Variants in GRIK1 observed in about 807,000 individuals in gnomAD.
GRIK1 encodes the protein glutamate ionotropic receptor kainate type subunit 1.
GRIK1 carries 69 observed loss-of-function variants against 105.7 expected under a neutral mutation model. That is an observed-to-expected ratio of 0.65 (90% confidence interval 0.54 to 0.80). The LOEUF (loss-of-function observed/expected upper bound fraction) is 0.80, where lower values mean the gene tolerates loss of function less well. GRIK1 is among the 30% of genes least tolerant of loss of function. The probability of loss-of-function intolerance (pLI) is 0.00; values close to 1 mark genes in which losing one functional copy is unlikely to be tolerated. For synonymous variants in GRIK1, 438 were observed against 431.3 expected (o/e 1.02, Z -0.19); for missense variants, 1,109 against 1,167.3 (o/e 0.95, Z 0.73).
chr21:29,791,030 G>T (rs1168273663), intron 1 of GRIK1, among the ~76,000 whole-genome samples: 1 of 152,202 alleles, frequency 6.6e-6, no homozygotes, highest in Non-Finnish European at 1.5e-5. Context: ...CTGATGCTGA[G>T]AAGTGGTTGG....
chr21:29,625,141 C>T (rs2062095447), intron 7 of GRIK1, among the ~76,000 whole-genome samples: 1 of 152,124 alleles, frequency 6.6e-6, no homozygotes, highest in South Asian at 2.1e-4. Flanking sequence ...GTGAATAATG[C>T]AATATAAAGC....
At chr21:29,759,877 T>G (rs1307475476) in intron 1 of GRIK1, 1 of 152,200 alleles carries the variant, frequency 6.6e-6, no homozygotes, top group African/African-American at 2.4e-5. Context: ...AATAAGGACA[T>G]TTTCTCTACA....
chr21:29,841,246 A>G (rs932334401), intron 1 of GRIK1, among the ~76,000 whole-genome samples: 2 of 152,184 alleles, frequency 1.3e-5, no homozygotes, highest in Non-Finnish European at 2.9e-5. Context: ...TATTGAATTC[A>G]GCAAAAATAA....
rs374424151 is a variant in GRIK1 at position 29,737,667 on chromosome 21, G to A, written c.119-43604C>T. 3.3e-5 allele frequency among the ~76,000 whole-genome samples: 5 copies of A among 152,280 alleles called. No individual in the cohort carries two copies. In the East Asian group the frequency reaches 5.8e-4, roughly 18 times the overall value. Reference sequence around the variant, plus strand: ...CTAACACATTAAAGAAGGCTTTGCCGGCCCATCTGGGGCAACCCAAGCCTT... The same window carrying A: ...CTAACACATTAAAGAAGGCTTTGCCAGCCCATCTGGGGCAACCCAAGCCTT... On this transcript the variant is annotated intron_variant, in intron 1 of 17. Transcript: ENST00000327783.
At chr21:29,679,693 C>T (rs1202173358) in intron 3 of GRIK1, among the ~76,000 whole-genome samples, 1 of 152,144 alleles carries the variant, frequency 6.6e-6, no homozygotes, top group Admixed American at 6.6e-5. Context: ...AAAGATCAAT[C>T]TTTTATTTCT....
rs80176615 is a variant in GRIK1, at chr21:29,690,318, G to A, written c.287-333C>T. The stretch of plus-strand genomic sequence containing the variant: ...ATGGTGTTACCTGAAAGCACTCCTA[G>A]TTACCAACAAGCCCTTTGCCAAATG... On this transcript the variant is annotated intron_variant, in intron 2 of 17. Transcript: ENST00000327783. Among the ~76,000 whole-genome samples the A allele has an allele frequency of 5.9e-5, 9 of 152,284 alleles. No individual in the cohort carries two copies. The East Asian group carries it at 1.4e-3, about 23-fold the overall frequency.
At chr21:29,683,856 C>T (rs1324556353) in intron 3 of GRIK1, among the ~76,000 whole-genome samples, 1 of 152,222 alleles carries the variant, frequency 6.6e-6, no homozygotes, top group African/African-American at 2.4e-5. Flanking sequence ...GGGTTCAGCA[C>T]AGTGCTACCA....
intron 1 of GRIK1, among the ~76,000 whole-genome samples, chr21:29,721,419 A>G (rs1024862329): frequency 1.3e-5 from 2 of 152,170 alleles, no homozygotes; most frequent in African/African-American, 4.8e-5. Context: ...AAAAGTTCAC[A>G]GCAGGTTACA....
At chr21:29,848,779 A>ATATATATATATATATGTATATTTT in intron 1 of GRIK1, among the ~76,000 whole-genome samples, 4 of 77,882 alleles carry the variant, frequency 5.1e-5, no homozygotes, top group African/African-American at 2.3e-4. Flanking sequence ...ATATATATAT[A>ATATATATATATATATGTATATTTT]TTTTTTTTTT....
At chr21:29,648,049 T>C (rs2062654302) in intron 6 of GRIK1, among the ~76,000 whole-genome samples, 1 of 152,214 alleles carries the variant, frequency 6.6e-6, no homozygotes, top group African/African-American at 2.4e-5. Flanking sequence ...TTTGATATAA[T>C]CATATTTTTG....
At chr21:29,655,043 C>A (rs1412099806) in intron 4 of GRIK1, among the ~76,000 whole-genome samples, 180 bp from the exon 5 acceptor site, 1 of 152,232 alleles carries the variant, frequency 6.6e-6, no homozygotes, top group Non-Finnish European at 1.5e-5. Context: ...AGCCAACTGA[C>A]CTCCAGCCAA....
rs180711426 is a variant in GRIK1, at chr21:29,604,504, A to G, written c.1099-5567T>C. Among the ~76,000 whole-genome samples, 427 of 152,306 alleles carry G rather than the reference A, an allele frequency of 2.8e-3. 3 individuals are homozygous for G. Among genetic ancestry groups the G allele is most frequent in the African/African-American group, 9.6e-3 (399 of 41,554 alleles). On this transcript the variant is annotated intron_variant, in intron 7 of 17. Coordinates refer to ENST00000327783, the MANE Select transcript of GRIK1 (RefSeq NM_001330994.2). ...TATTGATTAGGGTGAATATGCAATG[A>G]CTAATTCCTGGATGTGATAAATAGG...
chr21:29,765,509 A>G (rs191707683), intron 1 of GRIK1, among the ~76,000 whole-genome samples: 54 of 152,162 alleles, frequency 3.5e-4, no homozygotes, highest in African/African-American at 1.3e-3. Context: ...GTCTTCTGTC[A>G]TTCAACTGCA....
At chr21:29,720,811 G>A (rs929585758) in intron 1 of GRIK1, among the ~76,000 whole-genome samples, 2 of 152,090 alleles carry the variant, frequency 1.3e-5, no homozygotes, top group Non-Finnish European at 2.9e-5. Context: ...ATGAAGCTAT[G>A]CACCTTTATT....
At chr21:29,744,193 A>G (rs1003252749) in intron 1 of GRIK1, among the ~76,000 whole-genome samples, 3 of 152,238 alleles carry the variant, frequency 2.0e-5, no homozygotes, top group Non-Finnish European at 4.4e-5. Context: ...TTCCTGGTCC[A>G]GGGACCTACT....
At chr21:29,600,154 A>G (rs1297938127) in intron 7 of GRIK1, among the ~76,000 whole-genome samples, 1 of 152,206 alleles carries the variant, frequency 6.6e-6, no homozygotes, top group Non-Finnish European at 1.5e-5. Flanking sequence ...TGTAAATACA[A>G]TCTAAATAGA....
chr21:29,737,081 T>C (rs962719801), intron 1 of GRIK1, among the ~76,000 whole-genome samples: 3 of 152,220 alleles, frequency 2.0e-5, no homozygotes, highest in Non-Finnish European at 4.4e-5. Context: ...GTATTCTCCA[T>C]TTATGTTTTA....
At chr21:29,752,433 G>T (rs2065229403) in intron 1 of GRIK1, among the ~76,000 whole-genome samples, 1 of 152,180 alleles carries the variant, frequency 6.6e-6, no homozygotes, top group Admixed American at 6.5e-5. Flanking sequence ...ATACTCAAAA[G>T]AGAACGTCTG....
At chr21:29,685,035 T>C (rs967338674) in intron 3 of GRIK1, among the ~76,000 whole-genome samples, 6 of 152,188 alleles carry the variant, frequency 3.9e-5, no homozygotes, top group African/African-American at 1.4e-4. Flanking sequence ...TCCTTGTCTG[T>C]CTGCCTGCCT....
Sources: gnomAD v4.1 joint callset for allele counts (sites outside exome capture counted in the v4.1 genomes callset) on GRCh38, gnomAD v4.1.1 for gene constraint, MANE v1.5 for transcripts, NCBI Gene and HGNC (gene_info 2026-07-23, HGNC 2026-07-21) for gene names.